The following FGFRL1 variants were observed in gnomAD, a reference collection of about 807,000 sequenced individuals.
FGFRL1 encodes fibroblast growth factor receptor like 1.
Under a neutral mutation model 36.8 loss-of-function variants are expected in FGFRL1, and 24 were observed. The observed-to-expected ratio is 0.65, with a 90% CI of 0.47 to 0.92. The LOEUF (loss-of-function observed/expected upper bound fraction) is 0.92, where lower values mean the gene tolerates loss of function less well. FGFRL1 is among the 40% of genes least tolerant of loss of function. The pLI is 0.00. For synonymous variants in FGFRL1, 422 were observed against 344.1 expected, an observed-to-expected ratio of 1.23 and a Z score of -2.50; for missense variants, 785 against 753.4, an observed-to-expected ratio of 1.04 and a Z score of -0.49.
Position 1,022,203 on chromosome 4 carries a change from G to T in FGFRL1, c.80G>T (p.Gly27Val). 6.6e-7 allele frequency: 1 copy of T among 1,523,618 alleles called. No homozygotes were observed. The highest frequency in any genetic ancestry group is 8.8e-7 in the Non-Finnish European group (1 of 1,133,848). 94.4% of individuals were successfully genotyped at this position (1,523,618 alleles called of 1,614,324 possible). ...GACTGTTCCTCGGTCCCACCCGCAG[G>T]CCCCCCAAAGATGGCGGACAAGGTG... ...GAFPPAAAAR[G>V]PPKMADKVVP... The change falls in exon 3 of 7, where the codon GGC becomes GTC. Residue 27 changes from glycine (G) to valine (V), a missense_variant and splice_region_variant. Transcript: ENST00000510644.
rs1345851934 is a variant in FGFRL1 at position 1,026,728 on chromosome 4, C to T, written c.*1381C>T. 1 of 403,448 alleles carries T rather than the reference C, an allele frequency of 2.5e-6. No homozygotes were observed. Among genetic ancestry groups the T allele is most frequent in the African/African-American group, 2.1e-5 (1 of 47,816 alleles). The allele number at this position is 403,448 out of a possible 1,614,324, so 25.0% of individuals were successfully genotyped here. A position where few individuals can be genotyped will look rare whatever the true frequency, so the allele number is the denominator to read the frequency against. ...TGTGGTCTCTCCTGGGGCCCGGGAC[C>T]CGCCTGGTCTTTCAGCCATGCTGAT... On this transcript the variant is annotated 3_prime_UTR_variant, in exon 7 of 7. Coordinates refer to ENST00000510644, the MANE Select transcript of FGFRL1 (RefSeq NM_001004356.3).
At chr4:1,021,840 ACT>A (rs111648766) in intron 2 of FGFRL1, among the ~76,000 whole-genome samples, 8 of 151,972 alleles carry the variant, frequency 5.3e-5, no homozygotes, top group Admixed American at 2.0e-4. Flanking sequence ...CCAGAAGGAG[ACT>A]CTGCCCTTTT....
At chr4:1,012,908 G>A (rs774653061) in intron 2 of FGFRL1, among the ~76,000 whole-genome samples, 1 of 152,236 alleles carries the variant, frequency 6.6e-6, no homozygotes, top group Non-Finnish European at 1.5e-5. Flanking sequence ...TTGGGGAGTG[G>A]GCGGTTTGTG....
In FGFRL1 at chr4:1,025,242, G is replaced by A; in HGVS notation, c.1410G>A (p.Leu470=). Residue 470 remains leucine, a synonymous_variant, in exon 7 of 7, where the codon TTG becomes TTA. Transcript: ENST00000510644. ...CAGGCCCAGTTGCTGGCCCTAAGTT[G>A]TACCCCAAACTCTACACAGACATCC... is the stretch of plus-strand genomic sequence containing the variant. ...LGPGPVAGPK[L]YPKLYTDIHT... The A allele has an allele frequency of 3.1e-6, 5 of 1,608,594 alleles. No individual in the cohort carries two copies. The South Asian group carries it at 3.3e-5, about 11-fold the overall frequency.
Position 1,025,590 on chromosome 4 carries a change from C to G in FGFRL1, c.*243C>G, listed in dbSNP as rs534932929. 3.4e-6 allele frequency: 2 copies of G among 587,158 alleles called. No homozygotes were observed. The highest frequency in any genetic ancestry group is 1.9e-5 in the African/African-American group (1 of 53,490). 36.4% of individuals were successfully genotyped at this position (587,158 alleles called of 1,614,324 possible). A position where few individuals can be genotyped will look rare whatever the true frequency, so the allele number is the denominator to read the frequency against. On this transcript the variant is annotated 3_prime_UTR_variant, in exon 7 of 7. Coordinates refer to ENST00000510644, the MANE Select transcript of FGFRL1 (RefSeq NM_001004356.3). Reference sequence around the variant, plus strand: ...CCCTGAAGGCACACGTACGCACACACGCACATGCACAGATATGCCGCCTGG... The same window carrying G: ...CCCTGAAGGCACACGTACGCACACAGGCACATGCACAGATATGCCGCCTGG...
intron 2 of FGFRL1, among the ~76,000 whole-genome samples, chr4:1,014,963 G>A (rs1715811590): frequency 1.3e-5 from 2 of 152,228 alleles, no homozygotes; most frequent in Admixed American, 6.5e-5. Flanking sequence ...GAATCAATGG[G>A]CCTCCGGGCT....
intron 2 of FGFRL1, among the ~76,000 whole-genome samples, chr4:1,021,533 A>G (rs1444117766): frequency 6.6e-6 from 1 of 152,084 alleles, no homozygotes; most frequent in Non-Finnish European, 1.5e-5. Flanking sequence ...AGACCTGGGC[A>G]TCTGTGGTCC....
At chr4:1,022,123 C>T (rs1357279240) in intron 2 of FGFRL1, 80 bp from the exon 3 acceptor site, 5 of 1,129,916 alleles carry the variant, frequency 4.4e-6, no homozygotes, top group South Asian at 3.3e-5. Flanking sequence ...TGTGCTGGGC[C>T]GTGGGTCCCC....
In FGFRL1 at chr4:1,011,720, C is replaced by A. The variant is rs1715592139; in HGVS notation, c.-251C>A. On this transcript the variant is annotated 5_prime_UTR_variant, in exon 1 of 7. Coordinates refer to ENST00000510644, the MANE Select transcript of FGFRL1 (RefSeq NM_001004356.3). ...CCGGGATCCCGGCCCCGGCCCCCGGCCCCGCGGACTCGCCCCCGCCGCCTG... is the reference window on the plus strand; with the variant it reads ...CCGGGATCCCGGCCCCGGCCCCCGGACCCGCGGACTCGCCCCCGCCGCCTG... The A allele has an allele frequency of 1.4e-5, 2 of 144,072 alleles. No individual in the cohort carries two copies. The highest frequency in any genetic ancestry group is 1.4e-4 in the Admixed American group (2 of 14,600). 8.9% of individuals were successfully genotyped at this position (144,072 alleles called of 1,614,324 possible). A position where few individuals can be genotyped will look rare whatever the true frequency, so the allele number is the denominator to read the frequency against.
chr4:1,014,985 G>T (rs1006595096), intron 2 of FGFRL1, among the ~76,000 whole-genome samples: 2 of 152,190 alleles, frequency 1.3e-5, no homozygotes, highest in African/African-American at 4.8e-5. Flanking sequence ...CCTTTCAGCC[G>T]CAGGCCCCGC....
In FGFRL1 at chr4:1,022,438, C is replaced by T. The variant is rs756531169; in HGVS notation, c.315C>T (p.Phe105=). The T allele has an allele frequency of 2.2e-5, 35 of 1,609,666 alleles. No homozygotes were observed. In the Admixed American group the frequency reaches 4.7e-4, roughly 22 times the overall value. The change falls in exon 3 of 7, where the codon TTC becomes TTT. Residue 105 remains phenylalanine, a synonymous_variant. Transcript: ENST00000510644. The part of the protein sequence containing the change: ...GVYVCKATNG[F]GSLSVNYTLV... Reference sequence around the variant, plus strand: ...ACGTGTGCAAGGCCACCAACGGCTTCGGCAGCCTGAGCGTCAACTACACCC... The same window carrying T: ...ACGTGTGCAAGGCCACCAACGGCTTTGGCAGCCTGAGCGTCAACTACACCC...
At chr4:1,017,653 T>C (rs532694842) in intron 2 of FGFRL1, among the ~76,000 whole-genome samples, 100 of 152,290 alleles carry the variant, frequency 6.6e-4, no homozygotes, top group Non-Finnish European at 1.3e-3. Flanking sequence ...GGAGGCCGTT[T>C]CCAGCCAGTG....
intron 2 of FGFRL1, among the ~76,000 whole-genome samples, chr4:1,021,310 G>A (rs1162222611): frequency 6.6e-6 from 1 of 152,076 alleles, no homozygotes; most frequent in Non-Finnish European, 1.5e-5. Context: ...GGATGGTGCA[G>A]GTGGCCATGT....
At chr4:1,014,490 CT>C (rs1277444503) in intron 2 of FGFRL1, among the ~76,000 whole-genome samples, 1 of 152,234 alleles carries the variant, frequency 6.6e-6, no homozygotes, top group Non-Finnish European at 1.5e-5. Context: ...GGCCACTCCC[CT>C]GTCCTCTGCA....
In FGFRL1 at chr4:1,017,573, G is replaced by T. The variant is rs1577560586; in HGVS notation, c.80-4630G>T. 2.6e-5 allele frequency among the ~76,000 whole-genome samples: 4 copies of T among 152,356 alleles called. No individual in the cohort carries two copies. In the East Asian group the frequency reaches 7.7e-4, roughly 29 times the overall value. ...GGCAGGTGCTGCCTCGGGCTCTGTA[G>T]AGGGGTGGATACCACTGGCCTGGGC... On this transcript the variant is annotated intron_variant, in intron 2 of 6. Transcript: ENST00000510644.
chr4:1,021,617 G>A (rs1292893841), intron 2 of FGFRL1, among the ~76,000 whole-genome samples: 1 of 152,184 alleles, frequency 6.6e-6, no homozygotes, highest in Non-Finnish European at 1.5e-5. Flanking sequence ...ACAGGCTCAG[G>A]CAGCCCGCCG....
At chr4:1,021,370 A>G (rs1716169834) in intron 2 of FGFRL1, among the ~76,000 whole-genome samples, 1 of 152,058 alleles carries the variant, frequency 6.6e-6, no homozygotes, top group Non-Finnish European at 1.5e-5. Context: ...GTGGGAGGAC[A>G]TACTGGCTGC....
In FGFRL1 at chr4:1,024,426, C is replaced by G. The variant is rs532862696; in HGVS notation, c.834C>G (p.Ile278Met). Reference sequence around the variant, plus strand: ...TGCGCAGCGACGTGAAGCCGGTGATCCAGTGGCTGAAGCGCGTGGAGTACG... The same window carrying G: ...TGCGCAGCGACGTGAAGCCGGTGATGCAGTGGCTGAAGCGCGTGGAGTACG... ...CKVRSDVKPV[I>M]QWLKRVEYGA... is the part of the protein sequence containing the mutation. The change falls in exon 6 of 7, where the codon ATC becomes ATG. Residue 278 changes from isoleucine (I) to methionine (M), a missense_variant. By Grantham distance (10) the Ile-to-Met change is conservative (BLOSUM62 1). Coordinates refer to ENST00000510644, the MANE Select transcript of FGFRL1 (RefSeq NM_001004356.3). 1.2e-6 allele frequency: 2 copies of G among 1,612,512 alleles called. No individual in the cohort carries two copies.
intron 3 of FGFRL1, among the ~76,000 whole-genome samples, chr4:1,022,837 C>T (rs928557343): frequency 2.6e-5 from 4 of 152,166 alleles, no homozygotes; most frequent in Admixed American, 1.3e-4. Flanking sequence ...TCAGAGGAGC[C>T]GCCGGGATGC....
Sources: allele counts gnomAD v4.1 joint callset (sites outside exome capture counted in the v4.1 genomes callset), GRCh38; gene constraint gnomAD v4.1.1; transcripts MANE v1.5; gene names NCBI Gene and HGNC (gene_info 2026-07-23, HGNC 2026-07-21).